DGKD: variants seen among roughly 807,000 people sequenced by gnomAD.
DGKD encodes DAG kinase delta.
A neutral mutation model predicts 154.4 loss-of-function variants in DGKD; 68 were observed. That is an observed-to-expected ratio of 0.44 (90% CI 0.36 to 0.54). The LOEUF is 0.54. DGKD is among the 20% of genes least tolerant of loss of function. The pLI, the probability that DGKD is intolerant of heterozygous loss-of-function variation, is 0.00. For missense variants in DGKD, 1,343 were observed against 1,593.6 expected (o/e 0.84, Z 2.68); for synonymous variants, 693 against 638.0 (o/e 1.09, Z -1.30).
At chr2:233,368,946 G>A (rs1180823834) in intron 1 of DGKD, among the ~76,000 whole-genome samples, 3 of 152,194 alleles carry the variant, frequency 2.0e-5, no homozygotes, top group Admixed American at 6.5e-5. Flanking sequence ...AGCCCACAGC[G>A]TGCATTGCTG....
At chr2:233,426,967 A>G (rs1043670330) in intron 3 of DGKD, among the ~76,000 whole-genome samples, 3 of 152,206 alleles carry the variant, frequency 2.0e-5, no homozygotes, top group Non-Finnish European at 4.4e-5. Context: ...TGAAATAGCT[A>G]TTCAAGTCTT....
At chr2:233,464,552 G>A (rs1159502663) in intron 27 of DGKD, among the ~76,000 whole-genome samples, 3 of 152,214 alleles carry the variant, frequency 2.0e-5, no homozygotes, top group Admixed American at 6.5e-5. Flanking sequence ...GGGCTTCCTG[G>A]ACAGTGGGTA....
chr2:233,425,894 C>A lies in DGKD; in HGVS notation c.349-8486C>A, dbSNP rs534478740. ...CAGTATGTGATTTCTCATGAAGATA[C>A]AGGAGAGGATAAATTTATAGAAGCA... On this transcript the variant is annotated intron_variant, in intron 3 of 29. Coordinates refer to ENST00000264057, the MANE Select transcript of DGKD (RefSeq NM_152879.3). Among the ~76,000 whole-genome samples the A allele has an allele frequency of 9.7e-4, 148 of 152,268 alleles. 1 individual carries two copies. Among genetic ancestry groups the A allele is most frequent in the Middle Eastern group, 6.8e-3 (2 of 294 alleles).
intron 18 of DGKD, among the ~76,000 whole-genome samples, chr2:233,453,552 G>T (rs1288274389): frequency 6.6e-6 from 1 of 152,264 alleles, no homozygotes; most frequent in Non-Finnish European, 1.5e-5. Flanking sequence ...AGATCTGGCG[G>T]CACTGGCTCA....
At chr2:233,396,423 C>G (rs1704032557) in intron 3 of DGKD, among the ~76,000 whole-genome samples, 1 of 152,020 alleles carries the variant, frequency 6.6e-6, no homozygotes, top group African/African-American at 2.4e-5. Context: ...TTGGGGTCTA[C>G]CGTGGGCCAC....
At position 233,354,584 on chromosome 2, in the gene DGKD, G is replaced by T; in HGVS notation, c.66G>T (p.Glu22Asp). 1 of 1,102,936 alleles carries T rather than the reference G, an allele frequency of 9.1e-7. No individual in the cohort carries two copies. The highest frequency in any genetic ancestry group is 3.6e-5 in the Admixed American group (1 of 27,496). 68.3% of individuals were successfully genotyped at this position (1,102,936 alleles called of 1,614,324 possible). Residue 22 changes from glutamate to aspartate, a missense_variant, in exon 1 of 30, where the codon GAG (glutamate) becomes GAT (aspartate). Glu to Asp is a conservative substitution (Grantham distance 45). This residue lies in a region of DGKD where 57 missense variants were observed against 27.8 expected (regional missense o/e 2.05). Coordinates refer to ENST00000264057, the MANE Select transcript of DGKD (RefSeq NM_152879.3). The surrounding 1 kb of genome is among the most constrained non-coding windows in gnomAD (Gnocchi z 4.8). The part of the protein sequence containing the change: ...PPQPPPPPPP[E>D]ESSDSEPEAE... ...AACCGCCTCCGCCGCCGCCGCCCGA[G>T]GAGTCGTCCGACAGCGAGCCCGAGG...
At chr2:233,379,954 C>G (rs1213643535) in intron 1 of DGKD, 1 of 152,134 alleles carries the variant, frequency 6.6e-6, no homozygotes, top group South Asian at 2.1e-4. Flanking sequence ...TTCAGGCCAG[C>G]GGTAACCTGC....
At chr2:233,393,334 CTTTT>C (rs61587988) in intron 3 of DGKD, among the ~76,000 whole-genome samples, 9 of 103,834 alleles carry the variant, frequency 8.7e-5, no homozygotes, top group Admixed American at 2.1e-4. Context: ...GGCCTGTTTC[CTTTT>C]TTTTTTTTTT....
At chr2:233,369,570 C>A (rs1247988032) in intron 1 of DGKD, among the ~76,000 whole-genome samples, 1 of 152,186 alleles carries the variant, frequency 6.6e-6, no homozygotes, top group East Asian at 1.9e-4. Flanking sequence ...TACTTTATGG[C>A]ATGTTTTTCC....
intron 3 of DGKD, among the ~76,000 whole-genome samples, chr2:233,427,573 C>A (rs938314694): frequency 2.0e-5 from 3 of 152,152 alleles, no homozygotes; most frequent in Non-Finnish European, 2.9e-5. Flanking sequence ...AACTCCTAAC[C>A]TCAAGTGATC....
At chr2:233,451,340 G>T (rs1161909962) in intron 17 of DGKD, among the ~76,000 whole-genome samples, 4 of 152,078 alleles carry the variant, frequency 2.6e-5, no homozygotes, top group Non-Finnish European at 5.9e-5. Context: ...GGAATTATCT[G>T]AGTGGAAAAG....
intron 1 of DGKD, among the ~76,000 whole-genome samples, chr2:233,365,713 G>A (rs1428004075): frequency 6.6e-6 from 1 of 152,192 alleles, no homozygotes; most frequent in Admixed American, 6.5e-5. Context: ...AGTATGTTCT[G>A]ACAACAGAAT....
In DGKD at chr2:233,426,589, C is replaced by A. The variant is rs182626291; in HGVS notation, c.349-7791C>A. Reference sequence around the variant, plus strand: ...AGAGTATATGTCGTCTTGTGTCAGGCTTATTTCTTTCGCTGTTGTAAGATT... The same window carrying A: ...AGAGTATATGTCGTCTTGTGTCAGGATTATTTCTTTCGCTGTTGTAAGATT... On this transcript the variant is annotated intron_variant, in intron 3 of 29. Coordinates refer to ENST00000264057, the MANE Select transcript of DGKD (RefSeq NM_152879.3). Among the ~76,000 whole-genome samples, 760 of 152,248 alleles carry A rather than the reference C, an allele frequency of 5.0e-3. 5 individuals are homozygous for A. Among genetic ancestry groups the A allele is most frequent in the African/African-American group, 0.017 (701 of 41,534 alleles).
chr2:233,387,839 C>T (rs1703288713), intron 1 of DGKD, among the ~76,000 whole-genome samples: 1 of 152,152 alleles, frequency 6.6e-6, no homozygotes. Flanking sequence ...TGAGAAATGG[C>T]AGGGGGCCAG....
intron 12 of DGKD, chr2:233,447,578 C>G (rs1294786777): frequency 4.1e-6 from 4 of 985,784 alleles, no homozygotes; most frequent in Admixed American, 6.1e-5. Context: ...TATTCGCTGT[C>G]TGGCCAGTAG....
chr2:233,377,432 G>C (rs1188101173), intron 1 of DGKD, among the ~76,000 whole-genome samples: 7 of 152,110 alleles, frequency 4.6e-5, no homozygotes, highest in Non-Finnish European at 1.0e-4. Context: ...CTTTTTACTT[G>C]CTCTGATTTG....
rs2062765801 is a variant in DGKD, at chr2:233,438,295, A to G, written c.1001A>G (p.Gln334Arg). The change falls in exon 9 of 30, where the codon CAG becomes CGG. Residue 334 changes from glutamine (Q) to arginine (R), a missense_variant. Coordinates refer to ENST00000264057, the MANE Select transcript of DGKD (RefSeq NM_152879.3). The surrounding 1 kb of genome is among the most constrained non-coding windows in gnomAD (Gnocchi z 4.1). Reference sequence around the variant, plus strand: ...GTCAATTCAAAAAGTGGGGACAACCAGGGTGTGAAGTTCCTCAGAAGATTC... The same window carrying G: ...GTCAATTCAAAAAGTGGGGACAACCGGGGTGTGAAGTTCCTCAGAAGATTC... ...VFVNSKSGDNQGVKFLRRFKQ... is the reference protein window; with the variant it reads ...VFVNSKSGDNRGVKFLRRFKQ... 1.2e-6 allele frequency: 2 copies of G among 1,614,128 alleles called. No individual in the cohort carries two copies. The highest frequency in any genetic ancestry group is 1.7e-5 in the Admixed American group (1 of 60,012).
At chr2:233,399,999 G>A (rs1047467121) in intron 3 of DGKD, among the ~76,000 whole-genome samples, 6 of 152,186 alleles carry the variant, frequency 3.9e-5, no homozygotes, top group Non-Finnish European at 5.9e-5. Context: ...TGGCCATGAT[G>A]CATGCCTCCT....
At position 233,438,395 on chromosome 2, in the gene DGKD, A is replaced by G. The variant is rs760932836; in HGVS notation, c.1085+16A>G. The G allele has an allele frequency of 6.3e-7, 1 of 1,597,774 alleles. No homozygotes were observed. Among genetic ancestry groups the G allele is most frequent in the South Asian group, 1.1e-5 (1 of 89,154 alleles). On this transcript the variant is annotated intron_variant, in intron 9 of 29. Coordinates refer to ENST00000264057, the MANE Select transcript of DGKD (RefSeq NM_152879.3). This position sits in a 1 kb window ranked among gnomAD's most constrained non-coding sequence, Gnocchi z 4.1. ...CACACCTCGGGTAGGAAGCTTGTAA[A>G]ATATATCTTTCTTGGAGTTTTAAAA...
Sources: allele counts gnomAD v4.1 joint callset (sites outside exome capture counted in the v4.1 genomes callset), GRCh38; gene constraint gnomAD v4.1.1; regional missense constraint gnomAD v4.1.1; non-coding constraint Gnocchi (gnomAD v3.1); transcripts MANE v1.5; gene names NCBI Gene and HGNC (gene_info 2026-07-23, HGNC 2026-07-21).